Variants in SCP2 observed in about 807,000 individuals in gnomAD.
SCP2 encodes SCP-2/3-oxoacyl-CoA thiolase.
A neutral mutation model predicts 71.4 loss-of-function variants in SCP2; 48 were observed. The ratio of observed to expected loss-of-function variants is 0.67; its 90% confidence interval spans 0.53 to 0.86. SCP2 has a LOEUF of 0.86. Among genes scored for constraint, SCP2 ranks in the 40% least tolerant of loss-of-function variants. The pLI, the probability that SCP2 is intolerant of heterozygous loss-of-function variation, is 0.00. For missense variants in SCP2, 560 were observed against 655.6 expected, an observed-to-expected ratio of 0.85 and a Z score of 1.59; for synonymous variants, 220 against 218.1, an observed-to-expected ratio of 1.01 and a Z score of -0.08.
intron 1 of SCP2, among the ~76,000 whole-genome samples, chr1:52,940,025 G>T (rs1211945444): frequency 6.6e-6 from 1 of 152,044 alleles, no homozygotes; most frequent in East Asian, 1.9e-4. Flanking sequence ...CCATATCCTT[G>T]CCAGCATTTG....
intron 11 of SCP2, among the ~76,000 whole-genome samples, chr1:52,991,547 T>A (rs998526661): frequency 6.6e-6 from 1 of 152,182 alleles, no homozygotes; most frequent in East Asian, 1.9e-4. Context: ...ATTATGGGCA[T>A]GTGCCACCAC....
At chr1:52,990,733 CAAAA>C (rs61221989) in intron 11 of SCP2, among the ~76,000 whole-genome samples, 22 of 62,422 alleles carry the variant, frequency 3.5e-4, no homozygotes, top group African/African-American at 1.1e-3. Context: ...GACTCCGTCT[CAAAA>C]AAAAAAAAAA....
At chr1:53,024,029 A>G (rs752856672) in intron 12 of SCP2, among the ~76,000 whole-genome samples, 2 of 152,226 alleles carry the variant, frequency 1.3e-5, no homozygotes, top group South Asian at 4.1e-4. Flanking sequence ...ACAGGCCACA[A>G]GATTTTTCTC....
intron 11 of SCP2, among the ~76,000 whole-genome samples, chr1:52,992,743 A>G (rs965665831): frequency 6.6e-6 from 1 of 152,230 alleles, no homozygotes; most frequent in Non-Finnish European, 1.5e-5. Context: ...ATTTAAGGTT[A>G]ACAAAGGCTG....
At chr1:52,988,432 G>T (rs557307311) in intron 11 of SCP2, among the ~76,000 whole-genome samples, 1 of 152,154 alleles carries the variant, frequency 6.6e-6, no homozygotes, top group African/African-American at 2.4e-5. Flanking sequence ...TTTATATGTA[G>T]TTGTATACAT....
rs184973511 is a variant in SCP2, at chr1:52,971,949, A to T, written c.524-2820A>T. Among the ~76,000 whole-genome samples the T allele has an allele frequency of 1.8e-4, 28 of 152,214 alleles. No individual in the cohort carries two copies. The East Asian group carries it at 3.9e-3, about 21-fold the overall frequency. ...CTATGACCTGCCTTGGGGAAGAGGGATTCTAGTTTCTATGGTTAGCCTCAG... is the reference window on the plus strand; with the variant it reads ...CTATGACCTGCCTTGGGGAAGAGGGTTTCTAGTTTCTATGGTTAGCCTCAG... On this transcript the variant is annotated intron_variant, in intron 6 of 15. Transcript: ENST00000371514.
At chr1:53,037,879 T>TACAC (rs34293671) in intron 13 of SCP2, among the ~76,000 whole-genome samples, 4,487 of 84,456 alleles carry the variant, frequency 0.053, 169 homozygotes, top group Non-Finnish European at 0.07. Context: ...TGTCTCTACA[T>TACAC]ACACACACAC....
chr1:52,962,219 G>T (rs1430095108), intron 6 of SCP2, among the ~76,000 whole-genome samples: 1 of 152,030 alleles, frequency 6.6e-6, no homozygotes, highest in Non-Finnish European at 1.5e-5. Context: ...ATAAATTGAG[G>T]ATCTTAAAAT....
At chr1:53,005,019 C>T (rs959089104) in intron 11 of SCP2, among the ~76,000 whole-genome samples, 1 of 152,212 alleles carries the variant, frequency 6.6e-6, no homozygotes, top group African/African-American at 2.4e-5. Context: ...TGGAGCCTCG[C>T]TTGCTGCTAG....
intron 14 of SCP2, among the ~76,000 whole-genome samples, chr1:53,042,247 C>T (rs1224648014): frequency 6.6e-6 from 1 of 150,694 alleles, no homozygotes; most frequent in Non-Finnish European, 1.5e-5. Context: ...AATAGAACTT[C>T]AGGAATTATA....
chr1:52,978,385 T>A lies in SCP2; in HGVS notation c.825+18T>A. On this transcript the variant is annotated intron_variant, in intron 9 of 15. Transcript: ENST00000371514. ...TTAAAATGGTATGTCTGAGATTCTA[T>A]TTGTTATTTTTATTTTTAAGATGGA... 1 of 1,596,290 alleles carries A rather than the reference T, an allele frequency of 6.3e-7. No individual in the cohort carries two copies. The highest frequency in any genetic ancestry group is 8.6e-7 in the Non-Finnish European group (1 of 1,164,024).
intron 11 of SCP2, among the ~76,000 whole-genome samples, chr1:53,008,820 G>A (rs764238555): frequency 2.6e-5 from 4 of 152,128 alleles, no homozygotes; most frequent in African/African-American, 7.2e-5. Context: ...TATTCAATTC[G>A]GAAAAGAGGA....
intron 13 of SCP2, among the ~76,000 whole-genome samples, chr1:53,037,930 A>AC (rs1491412643): frequency 8.4e-6 from 1 of 119,588 alleles, no homozygotes; most frequent in Non-Finnish European, 1.8e-5. Flanking sequence ...ACACACACAC[A>AC]GATCCAGATC....
At chr1:52,952,821 A>G (rs1245144994) in intron 4 of SCP2, among the ~76,000 whole-genome samples, 5 of 151,740 alleles carry the variant, frequency 3.3e-5, no homozygotes, top group Non-Finnish European at 5.9e-5. Context: ...AACATTGTGT[A>G]TATATATATA....
At chr1:52,980,632 C>G (rs1181559282) in intron 10 of SCP2, 89 bp downstream of exon 10, 2 of 1,313,982 alleles carry the variant, frequency 1.5e-6, no homozygotes, top group African/African-American at 2.9e-5. Context: ...TCACTATTCA[C>G]TTTTCCCTTA....
chr1:53,000,987 C>T (rs1660281312), intron 11 of SCP2, among the ~76,000 whole-genome samples: 1 of 151,810 alleles, frequency 6.6e-6, no homozygotes, highest in Non-Finnish European at 1.5e-5. Context: ...ATATATATTA[C>T]ATATGTTCTC....
intron 1 of SCP2, among the ~76,000 whole-genome samples, chr1:52,933,067 A>C (rs1312409700): frequency 2.0e-5 from 3 of 152,208 alleles, no homozygotes; most frequent in Non-Finnish European, 4.4e-5. Flanking sequence ...GTGATCTTAA[A>C]ATATCTTTTT....
At chr1:52,991,422 A>G (rs1659493606) in intron 11 of SCP2, among the ~76,000 whole-genome samples, 1 of 151,576 alleles carries the variant, frequency 6.6e-6, no homozygotes, top group Admixed American at 6.6e-5. Context: ...TTTCCTTGAA[A>G]CGGAGTCTTG....
chr1:53,013,836 A>G (rs1572186247), intron 11 of SCP2, among the ~76,000 whole-genome samples: 1 of 147,470 alleles, frequency 6.8e-6, no homozygotes, highest in East Asian at 2.1e-4. Flanking sequence ...AAGAATAGGC[A>G]CTGTAAGTAG....
Sources: gnomAD v4.1 joint callset for allele counts (sites outside exome capture counted in the v4.1 genomes callset) on GRCh38, gnomAD v4.1.1 for gene constraint, MANE v1.5 for transcripts, NCBI Gene and HGNC (gene_info 2026-07-23, HGNC 2026-07-21) for gene names.